GARIN5A: variants seen among roughly 807,000 people sequenced by gnomAD.
The protein encoded by GARIN5A is golgi associated RAB2 interactor 5A.
At chr19:50,474,917 AC>A in the GARIN5A span, among the ~76,000 whole-genome samples, 3 of 152,310 alleles carry the variant, frequency 2.0e-5, no homozygotes, top group Non-Finnish European at 4.4e-5. Flanking sequence ...CTCTGGAGCC[AC>A]AGTGGGACCC....
At chr19:50,472,864 CCT>C in the GARIN5A span, among the ~76,000 whole-genome samples, 4 of 151,880 alleles carry the variant, frequency 2.6e-5, no homozygotes, top group South Asian at 2.1e-4. Context: ...AGAGTGAGAC[CCT>C]GTCTCAAAAT....
chr19:50,474,305 G>A, the GARIN5A span, among the ~76,000 whole-genome samples: 5 of 150,276 alleles, frequency 3.3e-5, no homozygotes, highest in Non-Finnish European at 4.4e-5. Context: ...TCAGCCTCCC[G>A]AGTAGCTGGG....
At chr19:50,471,005 C>T in the GARIN5A span, among the ~76,000 whole-genome samples, 4 of 152,162 alleles carry the variant, frequency 2.6e-5, no homozygotes, top group East Asian at 7.7e-4. Context: ...GTTCCCATTG[C>T]CCAGGCTGGA....
chr19:50,467,575 G>A, the GARIN5A span: 1 of 1,541,798 alleles, frequency 6.5e-7, no homozygotes, highest in Non-Finnish European at 8.8e-7. Flanking sequence ...CTCCCTCTGG[G>A]CCTCCACCTC....
At chr19:50,472,250 T>C in the GARIN5A span, among the ~76,000 whole-genome samples, 3,085 of 104,778 alleles carry the variant, frequency 0.029, 137 homozygotes, top group African/African-American at 0.14. Context: ...GTATTATATA[T>C]ACATGTATGT....
the GARIN5A span, chr19:50,476,614 C>T: frequency 3.2e-6 from 5 of 1,560,824 alleles, no homozygotes; most frequent in East Asian, 4.7e-5. Context: ...AGCGCCCAGT[C>T]GAGCCCGGGG....
At chr19:50,467,920 C>T in the GARIN5A span, 2 of 1,102,064 alleles carry the variant, frequency 1.8e-6, no homozygotes, top group East Asian at 2.6e-5. Context: ...GCCACCCCTC[C>T]CTCTGCCCCA....
At chr19:50,476,750 G>A in the GARIN5A span, 1 of 809,294 alleles carries the variant, frequency 1.2e-6, no homozygotes, top group Non-Finnish European at 1.8e-6. Flanking sequence ...AGGAGGCTGC[G>A]CAGGGCTGAG....
the GARIN5A span, among the ~76,000 whole-genome samples, chr19:50,470,425 A>G: frequency 2.0e-5 from 3 of 151,756 alleles, no homozygotes; most frequent in Admixed American, 1.3e-4. Flanking sequence ...AGGCAGGAGA[A>G]TTTCTTGAAC....
At chr19:50,471,355 G>A in the GARIN5A span, among the ~76,000 whole-genome samples, 4 of 150,884 alleles carry the variant, frequency 2.7e-5, no homozygotes, top group Non-Finnish European at 4.4e-5. Flanking sequence ...TGCAACCTCC[G>A]ACTCCTGGGC....
chr19:50,467,263 T>C, the GARIN5A span, among the ~76,000 whole-genome samples: 2 of 152,118 alleles, frequency 1.3e-5, no homozygotes, highest in South Asian at 4.2e-4. Flanking sequence ...GGTGGCTGTG[T>C]GTGTTCCCAA....
At chr19:50,475,886 C>T in the GARIN5A span, 17 of 1,613,868 alleles carry the variant, frequency 1.1e-5, no homozygotes, top group Non-Finnish European at 1.4e-5. Context: ...TCGAATTCGC[C>T]GCTCTGGAGG....
chr19:50,474,700 C>T, the GARIN5A span, among the ~76,000 whole-genome samples: 113,198 of 151,766 alleles, frequency 0.75, 43,101 homozygotes, highest in African/African-American at 0.92. Flanking sequence ...TTGGCCAGAC[C>T]GGTCTCAAAT....
the GARIN5A span, chr19:50,467,476 C>A: frequency 1.1e-6 from 1 of 931,498 alleles, no homozygotes; most frequent in Non-Finnish European, 1.6e-6. Flanking sequence ...CCCAAGCTCT[C>A]TCCTCTCTTA....
the GARIN5A span, among the ~76,000 whole-genome samples, chr19:50,469,063 A>C: frequency 6.6e-6 from 1 of 152,186 alleles, no homozygotes; most frequent in Non-Finnish European, 1.5e-5. Flanking sequence ...CCCTCTGCTC[A>C]GAGCCTTCCT....
the GARIN5A span, chr19:50,476,122 T>C: frequency 6.2e-7 from 1 of 1,612,784 alleles, no homozygotes; most frequent in Admixed American, 1.7e-5. Context: ...CTGGCTCCCC[T>C]CTCTCACCTG....
the GARIN5A span, among the ~76,000 whole-genome samples, chr19:50,471,666 GTATA>G: frequency 1.0e-5 from 1 of 98,890 alleles, no homozygotes; most frequent in African/African-American, 4.4e-5. Flanking sequence ...GCACGTGTGT[GTATA>G]CGCATACATG....
At chr19:50,474,176 T>G in the GARIN5A span, among the ~76,000 whole-genome samples, 8 of 106,980 alleles carry the variant, frequency 7.5e-5, no homozygotes, top group African/African-American at 2.9e-4. Context: ...TTCTTTTTTA[T>G]TCTCTCTTTT....
the GARIN5A span, among the ~76,000 whole-genome samples, chr19:50,473,911 C>T: frequency 6.6e-6 from 1 of 151,950 alleles, no homozygotes; most frequent in African/African-American, 2.4e-5. Flanking sequence ...TGCTTGAACC[C>T]AGGAGGCAGA....
Sources: allele counts gnomAD v4.1 joint callset (sites outside exome capture counted in the v4.1 genomes callset), GRCh38; gene constraint gnomAD v4.1.1; transcripts MANE v1.5; gene names NCBI Gene and HGNC (gene_info 2026-07-23, HGNC 2026-07-21).